Variants in LARGE1 observed in about 807,000 individuals in gnomAD.
LARGE1 encodes the protein xylosyl- and glucuronyltransferase LARGE1.
In LARGE1, 43 loss-of-function variants were observed where a neutral mutation model predicts 87.6. The observed-to-expected ratio is 0.49, with a 90% CI of 0.38 to 0.63. LARGE1 has a LOEUF of 0.63. Ranked by LOEUF, LARGE1 falls within the 30% of genes least tolerant of loss-of-function variation. LARGE1 has a pLI of 0.00. For missense variants in LARGE1, 802 were observed against 1,000.2 expected, an observed-to-expected ratio of 0.80 and a Z score of 2.67; for synonymous variants, 434 against 394.6, an observed-to-expected ratio of 1.10 and a Z score of -1.18.
intron 11 of LARGE1, among the ~76,000 whole-genome samples, chr22:33,265,035 G>C (rs955460161): frequency 1.4e-4 from 21 of 151,324 alleles, no homozygotes; most frequent in African/African-American, 5.1e-4. Context: ...TGAGTAGCTG[G>C]GATTACAGGC....
intron 2 of LARGE1, among the ~76,000 whole-genome samples, chr22:33,687,210 G>A (rs971991713): frequency 1.3e-5 from 2 of 149,696 alleles, no homozygotes; most frequent in Non-Finnish European, 3.0e-5. Context: ...ACCCAGGCTG[G>A]TCTCAAACTC....
At chr22:33,667,580 TA>T (rs1381704953) in intron 2 of LARGE1, among the ~76,000 whole-genome samples, 2 of 152,168 alleles carry the variant, frequency 1.3e-5, no homozygotes, top group Admixed American at 1.3e-4. Context: ...AAAGTATACT[TA>T]AAACATTCGA....
At chr22:33,492,777 A>G (rs2069911207) in intron 6 of LARGE1, among the ~76,000 whole-genome samples, 1 of 152,158 alleles carries the variant, frequency 6.6e-6, no homozygotes, top group Admixed American at 6.6e-5. Flanking sequence ...CTAACTGAAA[A>G]CAAAACAAAA....
the LARGE1 span, among the ~76,000 whole-genome samples, chr22:33,096,940 C>T: frequency 6.6e-6 from 1 of 152,232 alleles, no homozygotes; most frequent in East Asian, 1.9e-4. Context: ...TTCTTTACTG[C>T]AGAGGATTGG....
At chr22:33,761,614 A>G (rs998532823) in intron 1 of LARGE1, 56 bp from the exon 2 acceptor site, 1 of 721,680 alleles carries the variant, frequency 1.4e-6, no homozygotes, top group Non-Finnish European at 2.5e-6. Flanking sequence ...GATGGGTGTA[A>G]GTTATGGAAG....
intron 12 of LARGE1, 78 bp downstream of exon 12, chr22:33,304,151 C>T: frequency 6.5e-7 from 1 of 1,530,542 alleles, no homozygotes; most frequent in Non-Finnish European, 9.0e-7. Flanking sequence ...GATGATGACC[C>T]TAAGGGCCTT....
chr22:33,861,258 C>G (rs965256506), intron 1 of LARGE1, among the ~76,000 whole-genome samples: 7 of 152,124 alleles, frequency 4.6e-5, no homozygotes, highest in Admixed American at 4.6e-4. Context: ...TTTTTCTCTT[C>G]GTTAACTTGG....
intron 9 of LARGE1, among the ~76,000 whole-genome samples, chr22:33,374,811 G>A (rs923686170): frequency 6.6e-6 from 1 of 151,762 alleles, no homozygotes; most frequent in African/African-American, 2.4e-5. Flanking sequence ...TAAAATTCTA[G>A]ACATTATGTT....
chr22:33,610,726 G>A (rs1315468084), intron 4 of LARGE1, among the ~76,000 whole-genome samples: 2 of 152,110 alleles, frequency 1.3e-5, no homozygotes, highest in Non-Finnish European at 2.9e-5. Flanking sequence ...CAAGACAATG[G>A]GAAAAAGGCC....
chr22:33,070,887 G>A, the LARGE1 span, among the ~76,000 whole-genome samples: 1 of 152,282 alleles, frequency 6.6e-6, no homozygotes, highest in East Asian at 1.9e-4. Context: ...TTCTTAAAGT[G>A]CAACAACAGA....
chr22:33,301,168 A>G (rs939826429), intron 12 of LARGE1, among the ~76,000 whole-genome samples: 2 of 152,202 alleles, frequency 1.3e-5, no homozygotes, highest in Non-Finnish European at 2.9e-5. Context: ...TCTGGGTCAG[A>G]AATGAATCCA....
At chr22:33,815,526 G>A (rs942166211) in intron 1 of LARGE1, among the ~76,000 whole-genome samples, 3 of 152,156 alleles carry the variant, frequency 2.0e-5, no homozygotes, top group Non-Finnish European at 4.4e-5. Context: ...AAAATAAGTG[G>A]TTGAGGGACT....
intron 1 of LARGE1, among the ~76,000 whole-genome samples, chr22:33,859,643 C>T (rs897473759): frequency 1.3e-5 from 2 of 152,124 alleles, no homozygotes; most frequent in African/African-American, 4.8e-5. Flanking sequence ...GGCTTAAATC[C>T]AGGTATGTTT....
chr22:33,185,545 A>G (rs1043497288), intron 11 of LARGE1, among the ~76,000 whole-genome samples: 26 of 152,102 alleles, frequency 1.7e-4, no homozygotes, highest in African/African-American at 6.3e-4. Flanking sequence ...CCTAATGTAA[A>G]CTATGGGCTT....
intron 10 of LARGE1, among the ~76,000 whole-genome samples, chr22:33,331,402 CTTCTT>C (rs753519467): frequency 2.8e-5 from 4 of 145,268 alleles, no homozygotes; most frequent in South Asian, 2.2e-4. Flanking sequence ...CTCTCTTTCT[CTTCTT>C]ATCTTTTTTT....
the LARGE1 span, among the ~76,000 whole-genome samples, chr22:33,072,020 C>T: frequency 1.3e-5 from 2 of 151,932 alleles, no homozygotes; most frequent in Admixed American, 1.3e-4. Flanking sequence ...CCTTTATAGC[C>T]CAAACCCTGA....
intron 1 of LARGE1, among the ~76,000 whole-genome samples, chr22:33,886,234 C>T (rs1156747310): frequency 6.6e-6 from 1 of 152,166 alleles, no homozygotes; most frequent in Non-Finnish European, 1.5e-5. Context: ...TCCTCTCCTA[C>T]ACTTGGGGAC....
chr22:33,825,130 C>G (rs2146285761), intron 1 of LARGE1, among the ~76,000 whole-genome samples: 1 of 152,342 alleles, frequency 6.6e-6, no homozygotes, highest in East Asian at 1.9e-4. Context: ...ACAATTCCCC[C>G]AGTTTGCTCT....
chr22:33,846,975 T>C (rs1353106610), intron 1 of LARGE1, among the ~76,000 whole-genome samples: 1 of 152,332 alleles, frequency 6.6e-6, no homozygotes, highest in Non-Finnish European at 1.5e-5. Context: ...TTCTATTACC[T>C]TGTGAAGTAC....
Sources: gnomAD v4.1 joint callset for allele counts (sites outside exome capture counted in the v4.1 genomes callset) on GRCh38, gnomAD v4.1.1 for gene constraint, MANE v1.5 for transcripts, NCBI Gene and HGNC (gene_info 2026-07-23, HGNC 2026-07-21) for gene names.